DUSP15: variants seen among roughly 807,000 people sequenced by gnomAD.
The protein encoded by DUSP15 is dual specificity phosphatase 15.
A neutral mutation model predicts 26.3 loss-of-function variants in DUSP15; 23 were observed. The ratio of observed to expected loss-of-function variants is 0.87; its 90% confidence interval spans 0.63 to 1.24. DUSP15 has a LOEUF of 1.24. Among genes scored for constraint, DUSP15 ranks in the 50% most tolerant of loss-of-function variants. The pLI is 0.00. For synonymous variants in DUSP15, 143 were observed against 135.5 expected (o/e 1.06, Z -0.39); for missense variants, 364 against 320.6 (o/e 1.14, Z -1.03).
exon 7 of DUSP15, chr20:31,850,618 G>A (rs1279292167): frequency 1.2e-6 from 2 of 1,611,360 alleles, no homozygotes; most frequent in Non-Finnish European, 1.7e-6. Context: ...TTACCAGGTT[G>A]CTGAAGTCAT....
intron 6 of DUSP15, among the ~76,000 whole-genome samples, chr20:31,852,157 G>A (rs1308141090): frequency 2.6e-5 from 4 of 151,918 alleles, no homozygotes; most frequent in African/African-American, 2.4e-5. Flanking sequence ...ACAGGCACCC[G>A]CCACCACTCC....
Position 31,861,139 on chromosome 20 carries a change from T to G in DUSP15, c.*264A>C. 1 of 1,047,652 alleles carries G rather than the reference T, an allele frequency of 9.5e-7. No individual in the cohort carries two copies. The highest frequency in any genetic ancestry group is 1.2e-6 in the Non-Finnish European group (1 of 843,124). The allele number at this position is 1,047,652 out of a possible 1,614,324, so 64.9% of individuals were successfully genotyped here. ...AACCCTCCACTCTCCCTCCCTCCCC[T>G]CCCGCCGCCTTTAAGGGTGGGCCCC... is the stretch of plus-strand genomic sequence containing the variant. On this transcript the variant is annotated 3_prime_UTR_variant, in exon 7 of 7. Coordinates refer to ENST00000339738, the MANE Select transcript of DUSP15 (RefSeq NM_080611.5).
chr20:31,867,592 A>C (rs1435560047), intron 2 of DUSP15, among the ~76,000 whole-genome samples: 1 of 151,250 alleles, frequency 6.6e-6, no homozygotes, highest in African/African-American at 2.4e-5. Flanking sequence ...CCGCCATTAA[A>C]AAGAGTTCTA....
At chr20:31,867,631 G>GTTTTTTTTTTTTTTT (rs57662463) in intron 2 of DUSP15, among the ~76,000 whole-genome samples, 3 of 77,652 alleles carry the variant, frequency 3.9e-5, no homozygotes, top group East Asian at 4.3e-4. Flanking sequence ...TGCCCACAAT[G>GTTTTTTTTTTTTTTT]TTTTTTTTTT....
At chr20:31,863,852 A>C in intron 5 of DUSP15, 55 bp downstream of exon 5, 1 of 1,541,880 alleles carries the variant, frequency 6.5e-7, no homozygotes, top group Non-Finnish European at 9.0e-7. Context: ...TGTGTTCAGC[A>C]GAGGGCACAG....
At chr20:31,855,601 G>T (rs1330160020) in intron 6 of DUSP15, among the ~76,000 whole-genome samples, 1 of 152,208 alleles carries the variant, frequency 6.6e-6, no homozygotes, top group Non-Finnish European at 1.5e-5. Context: ...GCAGCCAAAA[G>T]GATGGGGAGG....
chr20:31,854,727 G>A (rs1227529139), intron 6 of DUSP15, among the ~76,000 whole-genome samples: 2 of 152,274 alleles, frequency 1.3e-5, no homozygotes, highest in East Asian at 3.9e-4. Context: ...TCAGTGAGCA[G>A]CCTGGTGTTG....
exon 10 of DUSP15, chr20:31,848,427 C>T (rs761655679): frequency 7.4e-6 from 12 of 1,611,316 alleles, no homozygotes; most frequent in East Asian, 4.5e-5. Context: ...GAAGAGGAAG[C>T]GGCTCGCTTA....
intron 6 of DUSP15, among the ~76,000 whole-genome samples, chr20:31,862,183 G>C (rs1341656798): frequency 6.6e-6 from 1 of 152,072 alleles, no homozygotes; most frequent in Non-Finnish European, 1.5e-5. Context: ...GCATCTGCCC[G>C]AGAGGTATAA....
Position 31,862,746 on chromosome 20 carries a change from G to T in DUSP15, c.264-4C>A, listed in dbSNP as rs751807103. On this transcript the variant is annotated splice_region_variant and splice_polypyrimidine_tract_variant and intron_variant, in intron 5 of 6. Coordinates refer to ENST00000339738, the MANE Select transcript of DUSP15 (RefSeq NM_080611.5). ...GCTGCGAGAGATGCCTGCAAAGCTG[G>T]GATCCCCAACAACCCCTCAGGCTTC... 1 of 1,594,564 alleles carries T rather than the reference G, an allele frequency of 6.3e-7. No individual in the cohort carries two copies. Among genetic ancestry groups the T allele is most frequent in the Admixed American group, 1.7e-5 (1 of 59,094 alleles).
At chr20:31,850,765 G>T (rs996451265) in intron 6 of DUSP15, 3 of 1,373,238 alleles carry the variant, frequency 2.2e-6, no homozygotes, top group Non-Finnish European at 3.1e-6. Context: ...GGCAGGGCTG[G>T]GTGAGGAGAC....
At chr20:31,858,344 C>T (rs1456411965), downstream of DUSP15, among the ~76,000 whole-genome samples, 1 of 152,244 alleles carries the variant, frequency 6.6e-6, no homozygotes, top group Non-Finnish European at 1.5e-5. This position sits in a 1 kb window ranked among gnomAD's most constrained non-coding sequence, Gnocchi z 4.4. Flanking sequence ...ACCTTTCCTT[C>T]CTTCTGGCCA....
In DUSP15 at chr20:31,848,258, G is replaced by A. The variant is rs150148691; in HGVS notation, c.*146C>T. 8.4e-5 allele frequency: 75 copies of A among 894,116 alleles called. 1 individual carries two copies. The African/African-American group carries it at 1.3e-3, about 15-fold the overall frequency. The allele number at this position is 894,116 out of a possible 1,614,324, so 55.4% of individuals were successfully genotyped here. ...GGTGTGGCCTACTCTCGAGTTCCGG[G>A]GCCCCGTGACAGAGGAGTGGAAGGC... On this transcript the variant is annotated 3_prime_UTR_variant, in exon 10 of 10. Transcript: ENST00000278979.
chr20:31,848,272 G>T, exon 10 of DUSP15: 1 of 1,065,330 alleles, frequency 9.4e-7, no homozygotes, highest in East Asian at 2.9e-5. Context: ...CCGTGACAGA[G>T]GAGTGGAAGG....
At chr20:31,866,978 A>C in intron 3 of DUSP15, 93 bp downstream of exon 3, 1 of 1,234,846 alleles carries the variant, frequency 8.1e-7, no homozygotes, top group Non-Finnish European at 1.1e-6. Context: ...TGAGTCAAGA[A>C]GGAAGCATAG....
At chr20:31,863,771 G>C in intron 5 of DUSP15, 136 bp downstream of exon 5, 2 of 832,278 alleles carry the variant, frequency 2.4e-6, no homozygotes, top group South Asian at 1.7e-5. Flanking sequence ...TCCAGTGAAT[G>C]GTGGGCCCTC....
At chr20:31,850,211 G>A (rs2062445631) in intron 7 of DUSP15, among the ~76,000 whole-genome samples, 1 of 152,108 alleles carries the variant, frequency 6.6e-6, no homozygotes, top group African/African-American at 2.4e-5. Context: ...CCATAACAGC[G>A]ACAATAACAA....
Position 31,870,080 on chromosome 20 carries a change from A to G in DUSP15, c.21+237T>C, listed in dbSNP as rs1600494823. 1 of 1,258,158 alleles carries G rather than the reference A, an allele frequency of 7.9e-7. No individual in the cohort carries two copies. The highest frequency in any genetic ancestry group is 3.1e-5 in the East Asian group (1 of 32,316). The allele number at this position is 1,258,158 out of a possible 1,614,324, so 77.9% of individuals were successfully genotyped here. On this transcript the variant is annotated intron_variant, in intron 1 of 6. Transcript: ENST00000339738. The surrounding 1 kb of genome is among the most constrained non-coding windows in gnomAD (Gnocchi z 6.6). ...CAGCCTGGGAGTGACAGCCACAGCAAGACAGCGAGAGACACACAGAGTCAC... is the reference window on the plus strand; with the variant it reads ...CAGCCTGGGAGTGACAGCCACAGCAGGACAGCGAGAGACACACAGAGTCAC...
At chr20:31,849,546 G>C (rs1231938975) in intron 8 of DUSP15, 1 of 962,704 alleles carries the variant, frequency 1.0e-6, no homozygotes, top group Middle Eastern at 2.1e-4. Flanking sequence ...ACCGCCTGGA[G>C]GAAGCCGCGT....
Sources: gnomAD v4.1 joint callset for allele counts (sites outside exome capture counted in the v4.1 genomes callset) on GRCh38, gnomAD v4.1.1 for gene constraint, Gnocchi (gnomAD v3.1) non-coding constraint, MANE v1.5 for transcripts, NCBI Gene and HGNC (gene_info 2026-07-23, HGNC 2026-07-21) for gene names.